FMC1: variants seen among roughly 807,000 people sequenced by gnomAD.
The protein encoded by FMC1 is formation of mitochondrial complex V assembly factor 1, also known as protein FMC1 homolog.
FMC1 carries 6 observed loss-of-function variants against 10.5 expected under a neutral mutation model. That is an observed-to-expected ratio of 0.57 (90% CI 0.31 to 1.12). FMC1 has a LOEUF of 1.12. FMC1 is among the 50% of genes most tolerant of loss of function. The pLI is 0.05. For missense variants in FMC1, 146 were observed against 151.7 expected (o/e 0.96, Z 0.20); for synonymous variants, 59 against 62.1 (o/e 0.95, Z 0.24).
At chr7:139,342,585 C>T (rs1799041228) in intron 1 of FMC1, among the ~76,000 whole-genome samples, 1 of 152,172 alleles carries the variant, frequency 6.6e-6, no homozygotes. Context: ...GCCTCAGCCT[C>T]CCGAGTAGTA....
chr7:139,345,402 A>G, intron 1 of FMC1, 99 bp from the exon 2 acceptor site: 2 of 1,513,474 alleles, frequency 1.3e-6, no homozygotes, highest in African/African-American at 2.8e-5. Context: ...TCCTCTGTGC[A>G]ATTTACTTTC....
upstream of FMC1, chr7:139,341,209 C>CT (rs1352148094): frequency 1.7e-5 from 20 of 1,184,916 alleles, no homozygotes; most frequent in Non-Finnish European, 2.3e-5. Flanking sequence ...TACGGCGCCC[C>CT]TGGGCCTTCG....
chr7:139,341,243 C>G, upstream of FMC1: 1 of 1,404,702 alleles, frequency 7.1e-7, no homozygotes, highest in Non-Finnish European at 9.4e-7. Flanking sequence ...GGTCAACGGA[C>G]AAGTGAGCGG....
chr7:139,341,622 G>C lies in FMC1; in HGVS notation c.138+100G>C, dbSNP rs1798972352. The stretch of plus-strand genomic sequence containing the variant: ...CACGGTGTTTAATTCCTGCATTTCT[G>C]AGGCCAACCCTCCCACGGAGCCCTG... On this transcript the variant is annotated intron_variant, in intron 1 of 1. Coordinates refer to ENST00000297534, the MANE Select transcript of FMC1 (RefSeq NM_197964.5). The C allele has an allele frequency of 4.6e-6, 7 of 1,513,600 alleles. No individual in the cohort carries two copies. In the South Asian group the frequency reaches 7.6e-5, roughly 16 times the overall value. The allele number at this position is 1,513,600 out of a possible 1,614,324, so 93.8% of individuals were successfully genotyped here. A position where few individuals can be genotyped will look rare whatever the true frequency, so the allele number is the denominator to read the frequency against.
At chr7:139,344,702 T>C (rs1007790357) in intron 1 of FMC1, among the ~76,000 whole-genome samples, 34 of 143,822 alleles carry the variant, frequency 2.4e-4, no homozygotes, top group African/African-American at 4.9e-4. Flanking sequence ...TTTCTTTTTT[T>C]TTTTTTTTTT....
intron 1 of FMC1, 149 bp downstream of exon 1, chr7:139,341,671 C>T (rs1359580564): frequency 1.4e-6 from 2 of 1,386,434 alleles, no homozygotes; most frequent in Non-Finnish European, 1.9e-6. Context: ...CAACCCAGGC[C>T]CTAGGCTCCA....
At chr7:139,345,444 C>T in intron 1 of FMC1, 57 bp from the exon 2 acceptor site, 1 of 1,600,560 alleles carries the variant, frequency 6.2e-7, no homozygotes, top group Non-Finnish European at 8.5e-7. Flanking sequence ...TTAAATCTTT[C>T]TCTGTGGACC....
rs1281355151 is a variant in FMC1, at chr7:139,341,495, C to T, written c.111C>T (p.Tyr37=). 2 of 1,613,768 alleles carry T rather than the reference C, an allele frequency of 1.2e-6. No individual in the cohort carries two copies. Among genetic ancestry groups the T allele is most frequent in the African/African-American group, 1.3e-5 (1 of 75,078 alleles). Reference sequence around the variant, plus strand: ...ATCGCGACACCGCGGCCTATCGGTACCTTGTGAAGGCTTTCCGTGCACATC... The same window carrying T: ...ATCGCGACACCGCGGCCTATCGGTATCTTGTGAAGGCTTTCCGTGCACATC... ...RPYRDTAAYR[Y]LVKAFRAHRV... The change falls in exon 1 of 2, where the codon TAC becomes TAT. Residue 37 remains tyrosine (Y), a synonymous_variant. Transcript: ENST00000297534.
chr7:139,345,286 T>C (rs1245308868), intron 1 of FMC1, among the ~76,000 whole-genome samples: 1 of 152,212 alleles, frequency 6.6e-6, no homozygotes, highest in Non-Finnish European at 1.5e-5. Flanking sequence ...GGACATTCAA[T>C]GCAACTCCTT....
upstream of FMC1, chr7:139,341,165 C>T: frequency 1.5e-6 from 1 of 673,408 alleles, no homozygotes. Flanking sequence ...GTCCTGGTAC[C>T]TTCAGTTAAC....
rs1798964006 is a variant in FMC1, at chr7:139,341,533, C to T, written c.138+11C>T. The T allele has an allele frequency of 1.9e-6, 3 of 1,609,118 alleles. No individual in the cohort carries two copies. Among genetic ancestry groups the T allele is most frequent in the Non-Finnish European group, 2.5e-6 (3 of 1,176,574 alleles). ...TTCCGTGCACATCGGGTACGGGAGC[C>T]ATGTCCCGGGTGCTCTACGTGCTGG... On this transcript the variant is annotated intron_variant, in intron 1 of 1. Coordinates refer to ENST00000297534, the MANE Select transcript of FMC1 (RefSeq NM_197964.5).
chr7:139,341,285 G>C (rs1445446215), upstream of FMC1: 5 of 1,501,148 alleles, frequency 3.3e-6, no homozygotes, highest in East Asian at 9.2e-5. Flanking sequence ...AGGGGGAGTC[G>C]GTAGTCTGTC....
Position 139,341,389 on chromosome 7 carries a change from C to T in FMC1, c.5C>T (p.Ala2Val), listed in dbSNP as rs1798950198. 2.5e-6 allele frequency: 4 copies of T among 1,612,364 alleles called. No homozygotes were observed. In the East Asian group the frequency reaches 8.9e-5, roughly 36 times the overall value. M[A>V]ALGSPSHTFR... ...CGCTCGGAGAAGGACAGGACAATGG[C>T]GGCCTTAGGGTCCCCGTCGCACACT... Residue 2 changes from alanine to valine, a missense_variant, in exon 1 of 2, where the codon GCG (alanine) becomes GTG (valine). Transcript: ENST00000297534.
At position 139,343,925 on chromosome 7, in the gene FMC1, C is replaced by CAAAA. The variant is rs370854113; in HGVS notation, c.139-1576_139-1575insAAAA. On this transcript the variant is annotated intron_variant, in intron 1 of 1. Transcript: ENST00000297534. Reference sequence around the variant, plus strand: ...TGGGCAACAAAGTGAGACCCTGTCCCCAAAAAAAAAAAAAAAAAAAAGAGT... The same window carrying CAAAA: ...TGGGCAACAAAGTGAGACCCTGTCCCAAAACAAAAAAAAAAAAAAAAAAAAGAGT... 1.8e-4 allele frequency among the ~76,000 whole-genome samples: 23 copies of CAAAA among 126,450 alleles called. 1 individual carries two copies. Among genetic ancestry groups the CAAAA allele is most frequent in the African/African-American group, 4.3e-4 (12 of 28,206 alleles). The allele number at this position is 126,450 out of a possible 152,430, so 83.0% of individuals were successfully genotyped here. A position where few individuals can be genotyped will look rare whatever the true frequency, so the allele number is the denominator to read the frequency against.
At chr7:139,341,937 G>A (rs1799002886) in intron 1 of FMC1, among the ~76,000 whole-genome samples, 1 of 152,192 alleles carries the variant, frequency 6.6e-6, no homozygotes, top group South Asian at 2.1e-4. Flanking sequence ...TTCCTCACCC[G>A]TCCCCTAGAA....
chr7:139,341,340 G>A lies in FMC1; in HGVS notation c.-45G>A. 1 of 1,583,430 alleles carries A rather than the reference G, an allele frequency of 6.3e-7. No homozygotes were observed. Among genetic ancestry groups the A allele is most frequent in the Non-Finnish European group, 8.6e-7 (1 of 1,159,722 alleles). On this transcript the variant is annotated 5_prime_UTR_variant, in exon 1 of 2. Transcript: ENST00000297534. ...CTGGGCCGGAGGAGGGGTTTTCAGG[G>A]TCGTAGGACGCCGTTGGGCACCACG... is the stretch of plus-strand genomic sequence containing the variant.
intron 1 of FMC1, among the ~76,000 whole-genome samples, chr7:139,343,171 C>T (rs1799086501): frequency 6.6e-6 from 1 of 152,156 alleles, no homozygotes; most frequent in African/African-American, 2.4e-5. Context: ...ACCTAGAATT[C>T]CCATGTCAAA....
chr7:139,340,817 A>C (rs1585051641), upstream of FMC1, among the ~76,000 whole-genome samples: 1 of 150,402 alleles, frequency 6.6e-6, no homozygotes, highest in Non-Finnish European at 1.5e-5. Flanking sequence ...ACAAAGCGAA[A>C]TATGCCAACT....
chr7:139,340,490 C>T (rs1026074057), upstream of FMC1: 3 of 398,450 alleles, frequency 7.5e-6, no homozygotes, highest in African/African-American at 4.1e-5. Context: ...GCCCGTTCAA[C>T]GTCCGGAGCA....
Sources: allele counts gnomAD v4.1 joint callset (sites outside exome capture counted in the v4.1 genomes callset), GRCh38; gene constraint gnomAD v4.1.1; transcripts MANE v1.5; gene names NCBI Gene and HGNC (gene_info 2026-07-23, HGNC 2026-07-21).